GRID2: variants seen among roughly 807,000 people sequenced by gnomAD.
GRID2 encodes the protein glutamate receptor ionotropic, delta-2.
A neutral mutation model predicts 114.8 loss-of-function variants in GRID2; 33 were observed. The observed-to-expected ratio is 0.29, with a 90% CI of 0.22 to 0.38. The LOEUF (loss-of-function observed/expected upper bound fraction) is 0.38. GRID2 is among the 10% of genes least tolerant of loss of function. The pLI is 1.00. For missense variants in GRID2, 1,184 were observed against 1,257.7 expected, an observed-to-expected ratio of 0.94 and a Z score of 0.89; for synonymous variants, 505 against 449.9, an observed-to-expected ratio of 1.12 and a Z score of -1.55.
chr4:93,723,821 T>C (rs937877994), intron 14 of GRID2, among the ~76,000 whole-genome samples: 1 of 152,220 alleles, frequency 6.6e-6, no homozygotes, highest in Non-Finnish European at 1.5e-5. Flanking sequence ...CTGGGAATCA[T>C]ATATTACAGA....
At chr4:92,662,150 T>C (rs185495975) in intron 2 of GRID2, among the ~76,000 whole-genome samples, 1 of 151,134 alleles carries the variant, frequency 6.6e-6, no homozygotes, top group Non-Finnish European at 1.5e-5. Flanking sequence ...AAGTAAATCA[T>C]TATTAAGTAA....
intron 13 of GRID2, among the ~76,000 whole-genome samples, chr4:93,601,249 G>C (rs2149640407): frequency 6.6e-6 from 1 of 152,234 alleles, no homozygotes; most frequent in South Asian, 2.1e-4. Context: ...AGTTGGACTG[G>C]ATTAAATACA....
chr4:93,272,610 G>A (rs1304009516), intron 8 of GRID2, among the ~76,000 whole-genome samples: 4 of 152,180 alleles, frequency 2.6e-5, no homozygotes, highest in African/African-American at 9.7e-5. Context: ...GCTATGTGAA[G>A]CCATTCACGT....
intron 13 of GRID2, among the ~76,000 whole-genome samples, chr4:93,566,996 A>G (rs916570946): frequency 5.3e-5 from 8 of 152,038 alleles, no homozygotes; most frequent in African/African-American, 1.9e-4. Flanking sequence ...TGGTCAGCAG[A>G]GCAGCAGCAG....
chr4:92,477,977 G>GA, intron 1 of GRID2, among the ~76,000 whole-genome samples: 1 of 151,420 alleles, frequency 6.6e-6, no homozygotes, highest in East Asian at 1.9e-4. Flanking sequence ...ATAGGCCCTA[G>GA]AAATAGTATA....
chr4:93,580,733 C>T (rs753031539), intron 13 of GRID2, among the ~76,000 whole-genome samples: 1 of 151,846 alleles, frequency 6.6e-6, no homozygotes, highest in Non-Finnish European at 1.5e-5. Context: ...GATCCTCTTC[C>T]CCAGTCCCTG....
chr4:93,159,241 C>A (rs1244007834), intron 4 of GRID2, among the ~76,000 whole-genome samples: 1 of 151,800 alleles, frequency 6.6e-6, no homozygotes, highest in Non-Finnish European at 1.5e-5. Flanking sequence ...ATAAGGCCGA[C>A]TCTGTAAGGT....
chr4:93,197,454 G>A (rs537936162), intron 4 of GRID2, among the ~76,000 whole-genome samples: 22 of 152,232 alleles, frequency 1.4e-4, no homozygotes, highest in African/African-American at 5.1e-4. Context: ...ACGTGTGTGT[G>A]TGTATATAAA....
At chr4:93,394,252 T>G (rs1765119266) in intron 8 of GRID2, among the ~76,000 whole-genome samples, 1 of 151,986 alleles carries the variant, frequency 6.6e-6, no homozygotes, top group South Asian at 2.1e-4. Context: ...TAAGTTCTAA[T>G]TAGGCTTTTT....
chr4:93,302,024 G>C (rs1462062213), intron 8 of GRID2, among the ~76,000 whole-genome samples: 1 of 152,102 alleles, frequency 6.6e-6, no homozygotes, highest in Non-Finnish European at 1.5e-5. Context: ...TAGTGTATAA[G>C]AGGAACTATG....
At chr4:92,576,597 T>C (rs1055180299) in intron 1 of GRID2, among the ~76,000 whole-genome samples, 1 of 152,154 alleles carries the variant, frequency 6.6e-6, no homozygotes, top group Non-Finnish European at 1.5e-5. Flanking sequence ...CTGGAGTATG[T>C]AAAGCTCCTG....
chr4:93,452,091 A>C (rs1177897435), intron 10 of GRID2, among the ~76,000 whole-genome samples: 1 of 152,166 alleles, frequency 6.6e-6, no homozygotes, highest in East Asian at 1.9e-4. Flanking sequence ...TTGCCTAGGC[A>C]GAAGAGCTCA....
intron 2 of GRID2, among the ~76,000 whole-genome samples, chr4:92,950,836 C>A (rs1751983213): frequency 6.6e-6 from 1 of 152,092 alleles, no homozygotes; most frequent in African/African-American, 2.4e-5. Context: ...GAGTTTGTTT[C>A]TTTTTTATAG....
At chr4:93,484,586 T>C (rs1411975613) in intron 11 of GRID2, among the ~76,000 whole-genome samples, 1 of 151,824 alleles carries the variant, frequency 6.6e-6, no homozygotes, top group Non-Finnish European at 1.5e-5. Flanking sequence ...TTAGATAATA[T>C]TTATGGACAG....
chr4:92,886,161 G>A (rs1056659931), intron 2 of GRID2, among the ~76,000 whole-genome samples: 1 of 152,046 alleles, frequency 6.6e-6, no homozygotes, highest in Non-Finnish European at 1.5e-5. Context: ...AAACAATATT[G>A]GGGAACAGCC....
chr4:92,946,182 A>G (rs1009799730), intron 2 of GRID2, among the ~76,000 whole-genome samples: 1 of 152,136 alleles, frequency 6.6e-6, no homozygotes, highest in South Asian at 2.1e-4. Flanking sequence ...TGGATATGCG[A>G]ATGGATTCCA....
At chr4:93,525,520 G>A (rs1005516041) in intron 13 of GRID2, among the ~76,000 whole-genome samples, 2 of 152,150 alleles carry the variant, frequency 1.3e-5, no homozygotes, top group Non-Finnish European at 2.9e-5. Flanking sequence ...AAAAAGAATA[G>A]CAGGAGTATT....
intron 2 of GRID2, among the ~76,000 whole-genome samples, chr4:92,777,273 A>C (rs1048164922): frequency 7.2e-5 from 11 of 152,038 alleles, no homozygotes; most frequent in Non-Finnish European, 1.6e-4. Context: ...AAATTTTTTA[A>C]AAATACTATA....
chr4:92,787,114 A>G (rs564322298), intron 2 of GRID2, among the ~76,000 whole-genome samples: 1 of 151,978 alleles, frequency 6.6e-6, no homozygotes, highest in Non-Finnish European at 1.5e-5. Context: ...TAGAGAACAT[A>G]CCAAATAGTG....
Sources: allele counts gnomAD v4.1 joint callset (sites outside exome capture counted in the v4.1 genomes callset), GRCh38; gene constraint gnomAD v4.1.1; transcripts MANE v1.5; gene names NCBI Gene and HGNC (gene_info 2026-07-23, HGNC 2026-07-21).